GREB1L: variants seen among roughly 807,000 people sequenced by gnomAD.
The protein encoded by GREB1L is GREB1 like retinoic acid receptor coactivator.
GREB1L carries 17 observed loss-of-function variants against 200.8 expected under a neutral mutation model. The ratio of observed to expected loss-of-function variants is 0.08; its 90% CI spans 0.06 to 0.13. GREB1L has a LOEUF of 0.13. Among genes scored for constraint, GREB1L ranks in the 10% least tolerant of loss-of-function variants. GREB1L has a pLI of 1.00. For synonymous variants in GREB1L, 789 were observed against 893.0 expected (o/e 0.88, Z 2.08); for missense variants, 1,657 against 2,367.7 (o/e 0.70, Z 6.23).
intron 23 of GREB1L, among the ~76,000 whole-genome samples, chr18:21,501,574 T>C (rs1568065109): frequency 6.6e-6 from 1 of 152,140 alleles, no homozygotes; most frequent in East Asian, 1.9e-4. Context: ...CATTCTTTTT[T>C]ATGGCTGCAA....
Position 21,508,739 on chromosome 18 carries a change from T to G in GREB1L, c.4735+148T>G, listed in dbSNP as rs951593898. On this transcript the variant is annotated intron_variant, in intron 27 of 32. Coordinates refer to ENST00000424526, the MANE Select transcript of GREB1L (RefSeq NM_001142966.3). ...GGAAAAAAAAAAAAAAAAAAGCTTTTTGACTCTCCCTTGAATTTGAGTTTT... is the reference window on the plus strand; with the variant it reads ...GGAAAAAAAAAAAAAAAAAAGCTTTGTGACTCTCCCTTGAATTTGAGTTTT... 27 of 680,572 alleles carry G rather than the reference T, an allele frequency of 4.0e-5. No individual in the cohort carries two copies. In the African/African-American group the frequency reaches 4.9e-4, roughly 12 times the overall value. 42.2% of individuals were successfully genotyped at this position (680,572 alleles called of 1,614,324 possible). A position where few individuals can be genotyped will look rare whatever the true frequency, so the allele number is the denominator to read the frequency against.
chr18:21,402,072 A>T (rs1488568217), intron 6 of GREB1L, among the ~76,000 whole-genome samples: 1 of 152,150 alleles, frequency 6.6e-6, no homozygotes, highest in African/African-American at 2.4e-5. Flanking sequence ...AATTTCTCTT[A>T]GTTATCTTTG....
intron 27 of GREB1L, among the ~76,000 whole-genome samples, chr18:21,512,952 A>G (rs745448042): frequency 3.9e-5 from 6 of 152,100 alleles, no homozygotes; most frequent in Non-Finnish European, 8.8e-5. Context: ...TTTATCACCT[A>G]CGTTTTGTTT....
At chr18:21,493,988 G>T in intron 19 of GREB1L, among the ~76,000 whole-genome samples, 1 of 151,226 alleles carries the variant, frequency 6.6e-6, no homozygotes. Context: ...ACAGTTCTGG[G>T]AGATAAAACA....
intron 4 of GREB1L, among the ~76,000 whole-genome samples, chr18:21,390,519 T>C (rs2040752913): frequency 1.3e-5 from 2 of 150,886 alleles, no homozygotes; most frequent in African/African-American, 4.9e-5. Flanking sequence ...CAAAAAAGTT[T>C]GTTTGTTTGT....
chr18:21,397,541 AAATAAT>A (rs1555637995), intron 5 of GREB1L, among the ~76,000 whole-genome samples: 1 of 126,116 alleles, frequency 7.9e-6, no homozygotes, highest in Non-Finnish European at 1.6e-5. Flanking sequence ...AAAAAAAAAA[AAATAAT>A]AATAATAATT....
intron 1 of GREB1L, among the ~76,000 whole-genome samples, chr18:21,269,210 T>G (rs1179963087): frequency 6.6e-6 from 1 of 152,164 alleles, no homozygotes; most frequent in Admixed American, 6.5e-5. Flanking sequence ...GTTTTACTGA[T>G]GGAGAAGAAA....
intron 1 of GREB1L, among the ~76,000 whole-genome samples, chr18:21,335,891 C>T (rs1201041846): frequency 6.6e-6 from 1 of 152,080 alleles, no homozygotes; most frequent in Admixed American, 6.6e-5. Flanking sequence ...TCTCGATCTC[C>T]TGACCTCGTG....
intron 1 of GREB1L, among the ~76,000 whole-genome samples, chr18:21,349,434 T>C (rs1024269711): frequency 3.3e-5 from 5 of 152,218 alleles, no homozygotes; most frequent in African/African-American, 9.6e-5. Flanking sequence ...TTTGATAGTC[T>C]GTTCTGTTGA....
At chr18:21,460,160 CTTGTTTTTGTTTTCGTTT>C in intron 15 of GREB1L, among the ~76,000 whole-genome samples, 1 of 151,828 alleles carries the variant, frequency 6.6e-6, no homozygotes, top group South Asian at 2.1e-4. Flanking sequence ...TTTGTTTTGT[CTTGTTTTTGTTTTCGTTT>C]TTGTTTTTGT....
At chr18:21,398,621 C>T (rs2041184159) in intron 5 of GREB1L, among the ~76,000 whole-genome samples, 2 of 152,134 alleles carry the variant, frequency 1.3e-5, no homozygotes, top group Non-Finnish European at 2.9e-5. Flanking sequence ...TCCAACATTT[C>T]TTACTTAAAG....
intron 15 of GREB1L, among the ~76,000 whole-genome samples, chr18:21,468,008 G>C (rs1424169309): frequency 7.0e-6 from 1 of 143,284 alleles, no homozygotes; most frequent in East Asian, 2.0e-4. Flanking sequence ...CTGGGCAACA[G>C]AGCGAGACTC....
chr18:21,463,745 T>C (rs1207940923), intron 15 of GREB1L, among the ~76,000 whole-genome samples: 1 of 151,976 alleles, frequency 6.6e-6, no homozygotes, highest in Non-Finnish European at 1.5e-5. Flanking sequence ...ACTTGGCTAA[T>C]TTTTTTTAGA....
At chr18:21,471,340 A>G (rs1010152809) in intron 15 of GREB1L, among the ~76,000 whole-genome samples, 6 of 152,070 alleles carry the variant, frequency 3.9e-5, no homozygotes, top group Non-Finnish European at 8.8e-5. Flanking sequence ...CTGGTACTAC[A>G]CTCCCTATTT....
At chr18:21,259,887 T>C (rs2037862380) in intron 1 of GREB1L, among the ~76,000 whole-genome samples, 1 of 151,892 alleles carries the variant, frequency 6.6e-6, no homozygotes, top group East Asian at 1.9e-4. Context: ...GGTGGGGGTA[T>C]GAATTTGACC....
At chr18:21,435,369 G>A (rs1291906893) in intron 7 of GREB1L, among the ~76,000 whole-genome samples, 2 of 152,192 alleles carry the variant, frequency 1.3e-5, no homozygotes, top group African/African-American at 4.8e-5. Flanking sequence ...GGAATACAAA[G>A]ATAAGGTTCA....
chr18:21,429,502 C>G (rs1187827762), intron 7 of GREB1L, among the ~76,000 whole-genome samples: 1 of 151,440 alleles, frequency 6.6e-6, no homozygotes, highest in Non-Finnish European at 1.5e-5. Context: ...ACCATGGCAC[C>G]CAGCCATTTG....
chr18:21,355,720 G>T (rs1392779953), intron 1 of GREB1L, among the ~76,000 whole-genome samples: 2 of 152,176 alleles, frequency 1.3e-5, no homozygotes, highest in Non-Finnish European at 2.9e-5. Flanking sequence ...CATGTTAGAT[G>T]AGAACTGAAA....
intron 1 of GREB1L, among the ~76,000 whole-genome samples, chr18:21,339,267 A>G (rs2039234095): frequency 6.6e-6 from 1 of 152,174 alleles, no homozygotes. Flanking sequence ...TTGATTGTAT[A>G]GAATCATGTA....
Sources: gnomAD v4.1 joint callset for allele counts (sites outside exome capture counted in the v4.1 genomes callset) on GRCh38, gnomAD v4.1.1 for gene constraint, MANE v1.5 for transcripts, NCBI Gene and HGNC (gene_info 2026-07-23, HGNC 2026-07-21) for gene names.